The following AP3D1 variants were observed in gnomAD, a reference collection of about 807,000 sequenced individuals.
The protein encoded by AP3D1 is adaptor related protein complex 3 subunit delta 1.
Under a neutral mutation model 147.6 loss-of-function variants are expected in AP3D1, and 51 were observed. That is an observed-to-expected ratio of 0.35 (90% confidence interval 0.28 to 0.44). The LOEUF is 0.44. Ranked by LOEUF, AP3D1 falls within the 20% of genes least tolerant of loss-of-function variation. The probability of loss-of-function intolerance (pLI) is 1.00; values close to 1 mark genes in which losing one functional copy is unlikely to be tolerated. For synonymous variants in AP3D1, 760 were observed against 663.0 expected (o/e 1.15, Z -2.25); for missense variants, 1,421 against 1,624.2 (o/e 0.87, Z 2.15).
intron 1 of AP3D1, among the ~76,000 whole-genome samples, chr19:2,160,821 C>T (rs2019690762): frequency 6.6e-6 from 1 of 152,124 alleles, no homozygotes; most frequent in Admixed American, 6.6e-5. Flanking sequence ...GTGGGCTATC[C>T]TGGGCACTGC....
At chr19:2,147,018 T>C (rs2019373624) in intron 1 of AP3D1, among the ~76,000 whole-genome samples, 1 of 152,096 alleles carries the variant, frequency 6.6e-6, no homozygotes, top group African/African-American at 2.4e-5. Flanking sequence ...GCTGATCTAG[T>C]GGAATGACTG....
chr19:2,116,444 T>C (rs974981612), intron 17 of AP3D1, among the ~76,000 whole-genome samples, 161 bp downstream of exon 17: 8 of 152,106 alleles, frequency 5.3e-5, no homozygotes, highest in African/African-American at 1.9e-4. Context: ...AGAGCACGTA[T>C]TGGGGGAAAA....
At chr19:2,136,341 C>T (rs2019076571) in intron 4 of AP3D1, among the ~76,000 whole-genome samples, 1 of 152,214 alleles carries the variant, frequency 6.6e-6, no homozygotes, top group South Asian at 2.1e-4. Context: ...GACAACACAG[C>T]CACAGGGTCC....
intron 4 of AP3D1, among the ~76,000 whole-genome samples, chr19:2,133,657 C>T (rs368522407): frequency 7.2e-5 from 11 of 152,130 alleles, no homozygotes; most frequent in African/African-American, 2.7e-4. Flanking sequence ...GTGCGTGTCA[C>T]CACGCCTGGC....
Position 2,123,339 on chromosome 19 carries a change from T to C in AP3D1, c.955+19A>G. On this transcript the variant is annotated intron_variant, in intron 11 of 31. Transcript: ENST00000643116. ...GCTGGGGACACGAAAATGACAGCAC[T>C]GGGGAGGGGATGACTCACAGTTCTG... 1 of 1,613,332 alleles carries C rather than the reference T, an allele frequency of 6.2e-7. No homozygotes were observed. The highest frequency in any genetic ancestry group is 8.5e-7 in the Non-Finnish European group (1 of 1,179,488).
Position 2,102,200 on chromosome 19 carries a change from C to T in AP3D1, c.3621G>A (p.Glu1207=), listed in dbSNP as rs1280399155. Residue 1207 remains glutamate, a synonymous_variant, in exon 32 of 32, where the codon GAG becomes GAA. Transcript: ENST00000643116. ...DSTLLSNLLE[E]MKATLAKC is the part of the protein sequence containing the mutation. ...AACACTTGGCCAGCGTCGCCTTCAT[C>T]TCTTCTAACAAGTTGCTCAGTAGCG... 2 of 1,614,114 alleles carry T rather than the reference C, an allele frequency of 1.2e-6. No individual in the cohort carries two copies. Among genetic ancestry groups the T allele is most frequent in the Non-Finnish European group, 1.7e-6 (2 of 1,180,004 alleles).
chr19:2,107,037 A>C (rs1416909386), intron 31 of AP3D1, among the ~76,000 whole-genome samples: 1 of 151,378 alleles, frequency 6.6e-6, no homozygotes. Context: ...GCCGAGGCAG[A>C]CAGATCATGA....
chr19:2,127,628 G>A (rs12608586), intron 8 of AP3D1, among the ~76,000 whole-genome samples: 68 of 152,248 alleles, frequency 4.5e-4, no homozygotes, highest in African/African-American at 1.5e-3. Context: ...AGGTTCAAGC[G>A]GTTCTCCTGC....
chr19:2,111,575 G>C (rs140413168), intron 25 of AP3D1, 104 bp downstream of exon 25: 9 of 1,416,358 alleles, frequency 6.4e-6, no homozygotes, highest in African/African-American at 5.7e-5. Context: ...GCTTCTTCTC[G>C]AATCTGCTCA....
Position 2,130,388 on chromosome 19 carries a change from C to G in AP3D1, c.592+20G>C, listed in dbSNP as rs778178673. The G allele has an allele frequency of 4.3e-6, 7 of 1,613,660 alleles. No individual in the cohort carries two copies. In the South Asian group the frequency reaches 5.5e-5, roughly 13 times the overall value. On this transcript the variant is annotated intron_variant, in intron 6 of 31. Transcript: ENST00000643116. ...TGAGCCCCCACCCTCAACCCTGAGG[C>G]TTAACTCAAATCCACAAACCGGGGT...
intron 1 of AP3D1, among the ~76,000 whole-genome samples, chr19:2,149,957 A>G (rs1055580995): frequency 1.3e-4 from 20 of 152,252 alleles, no homozygotes; most frequent in East Asian, 1.9e-4. Context: ...TTGTAACCAA[A>G]GCAGTTAGGG....
At chr19:2,106,271 G>C (rs551063184) in intron 31 of AP3D1, among the ~76,000 whole-genome samples, 30 of 152,170 alleles carry the variant, frequency 2.0e-4, no homozygotes, top group Non-Finnish European at 3.5e-4. Context: ...TGTATATTCA[G>C]AACAAATGGG....
At chr19:2,156,853 A>G (rs1465161206) in intron 1 of AP3D1, among the ~76,000 whole-genome samples, 1 of 150,524 alleles carries the variant, frequency 6.6e-6, no homozygotes, top group African/African-American at 2.4e-5. Flanking sequence ...GTCTCAAAAA[A>G]CTAAATAAAT....
chr19:2,120,319 G>A (rs931984088), intron 14 of AP3D1, among the ~76,000 whole-genome samples: 1 of 152,174 alleles, frequency 6.6e-6, no homozygotes, highest in Non-Finnish European at 1.5e-5. Flanking sequence ...CATTCCTGGA[G>A]ACGGCAGGGG....
chr19:2,130,625 A>G (rs2145113623), intron 5 of AP3D1, 88 bp from the exon 6 acceptor site: 1 of 1,574,916 alleles, frequency 6.3e-7, no homozygotes, highest in East Asian at 2.3e-5. Flanking sequence ...CACAGAGAGG[A>G]GATGCCCTCC....
intron 6 of AP3D1, among the ~76,000 whole-genome samples, chr19:2,129,663 G>A (rs780025504): frequency 1.2e-4 from 18 of 152,304 alleles, no homozygotes; most frequent in South Asian, 6.2e-4. Context: ...AGCTCCTGGC[G>A]CTGAGAAAGC....
At chr19:2,154,396 C>T (rs1228386384), upstream of AP3D1, among the ~76,000 whole-genome samples, 1 of 151,562 alleles carries the variant, frequency 6.6e-6, no homozygotes, top group Non-Finnish European at 1.5e-5. Context: ...TCTCCTGCCT[C>T]AGCTTCCTGA....
At chr19:2,132,922 G>C (rs2018987773) in intron 4 of AP3D1, among the ~76,000 whole-genome samples, 1 of 152,184 alleles carries the variant, frequency 6.6e-6, no homozygotes, top group African/African-American at 2.4e-5. Flanking sequence ...GCTGGGGACA[G>C]AGAGGTCTGA....
At chr19:2,113,160 T>C in intron 23 of AP3D1, 176 bp downstream of exon 23, 1 of 626,200 alleles carries the variant, frequency 1.6e-6, no homozygotes, top group East Asian at 2.8e-5. Context: ...TGGCCCCTGC[T>C]TGGCCCACTG....
Sources: allele counts gnomAD v4.1 joint callset (sites outside exome capture counted in the v4.1 genomes callset), GRCh38; gene constraint gnomAD v4.1.1; transcripts MANE v1.5; gene names NCBI Gene and HGNC (gene_info 2026-07-23, HGNC 2026-07-21).